Variants in FAR2 observed in about 807,000 individuals in gnomAD.
FAR2 encodes the protein fatty acyl-CoA reductase 2.
In FAR2, 19 loss-of-function variants were observed where a neutral mutation model predicts 56.0. The ratio of observed to expected loss-of-function variants is 0.34; its 90% CI spans 0.24 to 0.50. The LOEUF (loss-of-function observed/expected upper bound fraction) is 0.50, where lower values mean the gene tolerates loss of function less well. Among genes scored for constraint, FAR2 ranks in the 20% least tolerant of loss-of-function variants. The pLI, the probability that FAR2 is intolerant of heterozygous loss-of-function variation, is 0.98. For synonymous variants in FAR2, 219 were observed against 218.8 expected (o/e 1.00, Z -0.01); for missense variants, 508 against 642.2 (o/e 0.79, Z 2.26).
intron 1 of FAR2, among the ~76,000 whole-genome samples, chr12:29,189,525 G>A (rs1179401778): frequency 6.6e-6 from 1 of 152,150 alleles, no homozygotes; most frequent in East Asian, 1.9e-4. Flanking sequence ...AATGATATTA[G>A]AAACCAAGAT....
intron 1 of FAR2, among the ~76,000 whole-genome samples, chr12:29,227,202 T>C (rs1947783187): frequency 6.6e-6 from 1 of 152,202 alleles, no homozygotes; most frequent in Non-Finnish European, 1.5e-5. Flanking sequence ...GTCACCAGAT[T>C]TGACCCCTTT....
intron 1 of FAR2, among the ~76,000 whole-genome samples, chr12:29,246,629 C>G (rs544861559): frequency 6.6e-6 from 1 of 152,168 alleles, no homozygotes; most frequent in East Asian, 1.9e-4. Flanking sequence ...AAATTAAGAA[C>G]TATATCGCAG....
At chr12:29,313,664 CT>C (rs1332239798) in intron 8 of FAR2, among the ~76,000 whole-genome samples, 1 of 152,022 alleles carries the variant, frequency 6.6e-6, no homozygotes, top group Non-Finnish European at 1.5e-5. Context: ...GTCTCTTTTT[CT>C]AATAATTTGT....
chr12:29,263,368 G>A (rs1948456902), intron 1 of FAR2, among the ~76,000 whole-genome samples: 1 of 152,062 alleles, frequency 6.6e-6, no homozygotes. Context: ...TCAGAACATG[G>A]ATCATTCTCA....
intron 1 of FAR2, among the ~76,000 whole-genome samples, chr12:29,242,329 C>T (rs2073366355): frequency 6.6e-6 from 1 of 152,222 alleles, no homozygotes; most frequent in South Asian, 2.1e-4. Context: ...ACCCAGTCCT[C>T]TCAGTGAATA....
At position 29,149,294 on chromosome 12, in the gene FAR2, G is replaced by C. The variant is rs1293103460; in HGVS notation, c.-152G>C. On this transcript the variant is annotated 5_prime_UTR_variant, in exon 1 of 12. Transcript: ENST00000536681. Reference sequence around the variant, plus strand: ...CGGATATATAGAGTGTCACGTTTGGGAGCCGAAAGACTGGAGCCGTTTCCT... The same window carrying C: ...CGGATATATAGAGTGTCACGTTTGGCAGCCGAAAGACTGGAGCCGTTTCCT... The C allele has an allele frequency of 6.6e-6, 1 of 152,400 alleles. No individual in the cohort carries two copies. The highest frequency in any genetic ancestry group is 1.5e-5 in the Non-Finnish European group (1 of 68,172). The allele number at this position is 152,400 out of a possible 1,614,324, so 9.4% of individuals were successfully genotyped here.
chr12:29,175,338 C>T (rs1949927381), intron 1 of FAR2, among the ~76,000 whole-genome samples: 1 of 152,172 alleles, frequency 6.6e-6, no homozygotes, highest in Non-Finnish European at 1.5e-5. Flanking sequence ...GAGTCTGTTC[C>T]TTCAGATGTG....
chr12:29,212,158 C>T (rs1244872701), intron 1 of FAR2, among the ~76,000 whole-genome samples: 1 of 152,028 alleles, frequency 6.6e-6, no homozygotes, highest in Non-Finnish European at 1.5e-5. Context: ...ATTCATCAAG[C>T]TACTACCAAT....
chr12:29,160,954 C>G (rs1949776751), intron 1 of FAR2, among the ~76,000 whole-genome samples: 1 of 152,002 alleles, frequency 6.6e-6, no homozygotes, highest in Admixed American at 6.6e-5. Flanking sequence ...CCATAACACC[C>G]AGGAAATTAT....
intron 1 of FAR2, among the ~76,000 whole-genome samples, chr12:29,172,210 T>A (rs1175542969): frequency 1.3e-5 from 2 of 150,966 alleles, no homozygotes; most frequent in East Asian, 3.9e-4. Flanking sequence ...CGCCCCACCG[T>A]CTGGGAAGTG....
intron 4 of FAR2, among the ~76,000 whole-genome samples, chr12:29,302,691 T>C (rs547220241): frequency 6.6e-6 from 1 of 152,278 alleles, no homozygotes. Context: ...TTTGGGGTTG[T>C]TTGCTCATTT....
chr12:29,163,773 A>G (rs1232689549), intron 1 of FAR2, among the ~76,000 whole-genome samples: 1 of 152,368 alleles, frequency 6.6e-6, no homozygotes, highest in Non-Finnish European at 1.5e-5. Flanking sequence ...TAGAATTTTT[A>G]GGTTGGAAGA....
At chr12:29,239,621 T>C (rs565247330) in intron 1 of FAR2, among the ~76,000 whole-genome samples, 272 of 152,200 alleles carry the variant, frequency 1.8e-3, no homozygotes, top group Non-Finnish European at 3.2e-3. Context: ...TAGAGGAAAA[T>C]GCTGGAAAGC....
chr12:29,163,652 C>G (rs7308340), intron 1 of FAR2, among the ~76,000 whole-genome samples: 27,295 of 152,114 alleles, frequency 0.18, 2,558 homozygotes, highest in Non-Finnish European at 0.21. Context: ...AAATCAAAAT[C>G]CATTCTTAGA....
intron 1 of FAR2, among the ~76,000 whole-genome samples, chr12:29,193,190 A>C (rs1950116348): frequency 6.6e-6 from 1 of 152,110 alleles, no homozygotes; most frequent in South Asian, 2.1e-4. Flanking sequence ...CCCCATTATC[A>C]ATATCCTACA....
At chr12:29,149,709 G>A (rs1248292323) in intron 1 of FAR2, among the ~76,000 whole-genome samples, 1 of 152,238 alleles carries the variant, frequency 6.6e-6, no homozygotes, top group African/African-American at 2.4e-5. Flanking sequence ...AGAAAGCCGG[G>A]AAGGACCCAG....
intron 1 of FAR2, among the ~76,000 whole-genome samples, chr12:29,245,066 C>G (rs1031573639): frequency 6.6e-6 from 1 of 151,936 alleles, no homozygotes; most frequent in Non-Finnish European, 1.5e-5. Context: ...CTGCAACCTC[C>G]GTCTCCCGGG....
At chr12:29,294,609 C>T (rs558944704) in intron 3 of FAR2, among the ~76,000 whole-genome samples, 1 of 152,162 alleles carries the variant, frequency 6.6e-6, no homozygotes, top group African/African-American at 2.4e-5. Context: ...CTTGGCCTCC[C>T]AAAGTGCTGG....
chr12:29,159,506 TGA>T (rs200427652), intron 1 of FAR2, among the ~76,000 whole-genome samples: 2,130 of 128,158 alleles, frequency 0.017, 33 homozygotes, highest in African/African-American at 0.053. Flanking sequence ...CCACTGTGTG[TGA>T]GACTCTGTCT....
Sources: allele counts gnomAD v4.1 joint callset (sites outside exome capture counted in the v4.1 genomes callset), GRCh38; gene constraint gnomAD v4.1.1; transcripts MANE v1.5; gene names NCBI Gene and HGNC (gene_info 2026-07-23, HGNC 2026-07-21).